Variants in NRXN2 observed in about 807,000 individuals in gnomAD.
The protein encoded by NRXN2 is neurexin-2-beta.
A neutral mutation model predicts 128.8 loss-of-function variants in NRXN2; 29 were observed. The ratio of observed to expected loss-of-function variants is 0.23; its 90% CI spans 0.17 to 0.31. NRXN2 has a LOEUF of 0.31. NRXN2 is among the 10% of genes least tolerant of loss of function. The pLI is 1.00. For missense variants in NRXN2, 1,881 were observed against 2,452.6 expected, an observed-to-expected ratio of 0.77 and a Z score of 4.92; for synonymous variants, 1,098 against 1,075.2, an observed-to-expected ratio of 1.02 and a Z score of -0.41.
chr11:64,613,733 A>G (rs2041038849), intron 22 of NRXN2, among the ~76,000 whole-genome samples: 1 of 152,220 alleles, frequency 6.6e-6, no homozygotes, highest in Admixed American at 6.5e-5. Flanking sequence ...TATCTGTTAC[A>G]GAAACAAATG....
chr11:64,665,018 C>G (rs555257611), intron 9 of NRXN2, among the ~76,000 whole-genome samples: 81 of 149,538 alleles, frequency 5.4e-4, no homozygotes, highest in Non-Finnish European at 9.8e-4. Flanking sequence ...CGCGGTGGCT[C>G]ACGCCTGTAA....
intron 18 of NRXN2, among the ~76,000 whole-genome samples, chr11:64,633,140 C>A (rs1378797426): frequency 6.6e-6 from 1 of 152,224 alleles, no homozygotes; most frequent in Non-Finnish European, 1.5e-5. Flanking sequence ...AGTACTTGTT[C>A]CTCCATAGCC....
At chr11:64,719,748 C>G (rs1426900000) in intron 1 of NRXN2, among the ~76,000 whole-genome samples, 2 of 152,148 alleles carry the variant, frequency 1.3e-5, no homozygotes, top group Non-Finnish European at 2.9e-5. Context: ...GCACAGCAGC[C>G]TGGGCGGGTG....
At chr11:64,696,220 C>G (rs926269203) in intron 3 of NRXN2, among the ~76,000 whole-genome samples, 1 of 152,042 alleles carries the variant, frequency 6.6e-6, no homozygotes, top group Non-Finnish European at 1.5e-5. Context: ...CTCCAGCCCT[C>G]AGAAGGCTGC....
Position 64,650,492 on chromosome 11 carries a change from G to A in NRXN2, c.3065C>T (p.Thr1022Ile), listed in dbSNP as rs923301973. Residue 1022 changes from threonine (T) to isoleucine (I), a missense_variant, in exon 15 of 23, where the codon ACT becomes ATT. This residue lies in a region of NRXN2 where 390 missense variants were observed against 599.6 expected (regional missense o/e 0.65). Transcript: ENST00000265459. ...GGCGCCATTGGAGTGCTGCGTGACAGTGCGGGAGTCAATCTTGAGCGTGTG... is the reference window on the plus strand; with the variant it reads ...GGCGCCATTGGAGTGCTGCGTGACAATGCGGGAGTCAATCTTGAGCGTGTG... ...NVHTLKIDSR[T>I]VTQHSNGARN... 8 of 1,614,246 alleles carry A rather than the reference G, an allele frequency of 5.0e-6. No individual in the cohort carries two copies. The East Asian group carries it at 1.6e-4, about 31-fold the overall frequency.
intron 19 of NRXN2, among the ~76,000 whole-genome samples, chr11:64,628,796 C>G (rs539999452): frequency 2.0e-5 from 3 of 152,026 alleles, no homozygotes; most frequent in Non-Finnish European, 4.4e-5. Flanking sequence ...TGTTGGGGGG[C>G]GTGGGGGATA....
chr11:64,692,989 G>C, intron 3 of NRXN2, 113 bp from the exon 4 acceptor site: 2 of 909,906 alleles, frequency 2.2e-6, no homozygotes, highest in Non-Finnish European at 3.4e-6. Context: ...AGAGAGAAGG[G>C]AGAAAAAAGC....
intron 17 of NRXN2, chr11:64,642,663 C>A: frequency 1.3e-6 from 2 of 1,580,224 alleles, no homozygotes; most frequent in Non-Finnish European, 8.6e-7. Flanking sequence ...CCCCCTCGGC[C>A]GCCCCCAGCA....
chr11:64,696,891 C>T (rs2054622507), intron 3 of NRXN2, among the ~76,000 whole-genome samples: 1 of 152,182 alleles, frequency 6.6e-6, no homozygotes, highest in Non-Finnish European at 1.5e-5. Context: ...TCTTCCTGCT[C>T]TCAGTCCATC....
chr11:64,664,145 A>G (rs186835911), intron 9 of NRXN2, among the ~76,000 whole-genome samples: 11 of 152,332 alleles, frequency 7.2e-5, no homozygotes, highest in Admixed American at 1.3e-4. Flanking sequence ...ACACAACAAT[A>G]TAAGTGTACT....
chr11:64,690,510 G>A (rs376645512), intron 4 of NRXN2, 34 bp from the exon 5 acceptor site: 14 of 1,584,122 alleles, frequency 8.8e-6, no homozygotes, highest in Non-Finnish European at 1.2e-5. Context: ...CAGGCACAGG[G>A]GGTACCGAGC....
chr11:64,697,258 C>T (rs1453528677), intron 3 of NRXN2, among the ~76,000 whole-genome samples: 32 of 152,070 alleles, frequency 2.1e-4, no homozygotes, highest in Admixed American at 2.1e-3. Context: ...CACTATACAC[C>T]TCCAACCCCC....
At chr11:64,655,573 G>T (rs1234424768) in intron 11 of NRXN2, among the ~76,000 whole-genome samples, 1 of 152,166 alleles carries the variant, frequency 6.6e-6, no homozygotes, top group East Asian at 1.9e-4. Context: ...GAGGCTGGAT[G>T]GGCAAGCAGG....
Position 64,622,779 on chromosome 11 carries a change from G to T in NRXN2, c.4147C>A (p.Pro1383Thr), listed in dbSNP as rs1428325670. ...TGGGTGGTGCTGTCCCTCAGTGTGG[G>T]GGAGCGGCCCCGGCGCGTGGTGGTA... ...ATTTTRRGRS[P>T]TLRDSTTQNT... is the part of the protein sequence containing the mutation. Residue 1383 changes from proline (P) to threonine (T), a missense_variant, in exon 21 of 23, where the codon CCC becomes ACC. Coordinates refer to ENST00000265459, the MANE Select transcript of NRXN2 (RefSeq NM_015080.4). This position sits in a 1 kb window ranked among gnomAD's most constrained non-coding sequence, Gnocchi z 4.3. The T allele has an allele frequency of 6.2e-7, 1 of 1,610,792 alleles. No homozygotes were observed. The highest frequency in any genetic ancestry group is 1.7e-5 in the Admixed American group (1 of 60,020).
intron 2 of NRXN2, among the ~76,000 whole-genome samples, chr11:64,704,995 T>C (rs750949922): frequency 5.3e-5 from 8 of 152,234 alleles, no homozygotes; most frequent in African/African-American, 9.6e-5. Context: ...CCCTGCTCTC[T>C]GGGATGGGTT....
chr11:64,709,151 C>T (rs575657813), intron 2 of NRXN2, among the ~76,000 whole-genome samples: 2 of 146,554 alleles, frequency 1.4e-5, no homozygotes, highest in South Asian at 4.3e-4. Flanking sequence ...GAGATCGTGC[C>T]ATCGCACTCC....
chr11:64,711,314 G>A (rs961726554), intron 2 of NRXN2, among the ~76,000 whole-genome samples: 4 of 152,232 alleles, frequency 2.6e-5, no homozygotes, highest in Admixed American at 2.0e-4. Flanking sequence ...ACAGCTTCTA[G>A]AGGGACCAGG....
chr11:64,652,099 G>A lies in NRXN2; in HGVS notation c.2472C>T (p.His824=), dbSNP rs780993129. The A allele has an allele frequency of 1.2e-5, 19 of 1,613,454 alleles. No individual in the cohort carries two copies. The South Asian group carries it at 2.1e-4, about 18-fold the overall frequency. The part of the protein sequence containing the change: ...AGHKLNDNEW[H]TVRVVRRGKS... ...TGCCACGCCGGACCACCCTCACCGT[G>A]TGCCACTCATTGTCATTGAGCTTGT... The change falls in exon 13 of 23, where the codon CAC becomes CAT. Residue 824 remains histidine, a synonymous_variant. Coordinates refer to ENST00000265459, the MANE Select transcript of NRXN2 (RefSeq NM_015080.4).
chr11:64,641,794 G>A (rs1298786310), intron 17 of NRXN2, among the ~76,000 whole-genome samples: 1 of 152,052 alleles, frequency 6.6e-6, no homozygotes, highest in Non-Finnish European at 1.5e-5. Context: ...GAAACGGGAA[G>A]TGCTGGACCT....
Sources: gnomAD v4.1 joint callset for allele counts (sites outside exome capture counted in the v4.1 genomes callset) on GRCh38, gnomAD v4.1.1 for gene constraint, gnomAD v4.1.1 regional missense constraint, Gnocchi (gnomAD v3.1) non-coding constraint, MANE v1.5 for transcripts, NCBI Gene and HGNC (gene_info 2026-07-23, HGNC 2026-07-21) for gene names.